The following ZNF395 variants were observed in gnomAD, a reference collection of about 807,000 sequenced individuals.
ZNF395 encodes zinc finger protein 395, also known as HD gene regulatory region-binding protein 2.
Under a neutral mutation model 57.7 loss-of-function variants are expected in ZNF395, and 20 were observed. That is an observed-to-expected ratio of 0.35 (90% CI 0.24 to 0.50). The LOEUF (loss-of-function observed/expected upper bound fraction) is 0.50. Ranked by LOEUF, ZNF395 falls within the 20% of genes least tolerant of loss-of-function variation. The pLI, the probability that ZNF395 is intolerant of heterozygous loss-of-function variation, is 0.97. For missense variants in ZNF395, 606 were observed against 671.2 expected, an observed-to-expected ratio of 0.90 and a Z score of 1.07; for synonymous variants, 295 against 275.9, an observed-to-expected ratio of 1.07 and a Z score of -0.69.
At chr8:28,373,957 A>G (rs1012723455) in intron 1 of ZNF395, among the ~76,000 whole-genome samples, 4 of 152,212 alleles carry the variant, frequency 2.6e-5, no homozygotes, top group African/African-American at 9.7e-5. Context: ...CCTACGGCCC[A>G]GCAGTTCCAC....
intron 1 of ZNF395, among the ~76,000 whole-genome samples, chr8:28,380,700 C>T (rs952706381): frequency 2.0e-5 from 3 of 152,202 alleles, no homozygotes; most frequent in Non-Finnish European, 4.4e-5. Context: ...AGTTGCTGCA[C>T]TATTCTCTGG....
At chr8:28,373,483 C>T (rs564048116) in intron 1 of ZNF395, among the ~76,000 whole-genome samples, 3 of 151,546 alleles carry the variant, frequency 2.0e-5, no homozygotes, top group Admixed American at 1.3e-4. Flanking sequence ...TGCTTCCAAA[C>T]GCCTCACGCT....
chr8:28,349,162 T>C lies in ZNF395; in HGVS notation c.1393A>G (p.Ile465Val). The change falls in exon 9 of 10, where the codon ATC becomes GTC. Residue 465 changes from isoleucine to valine, a missense_variant. Ile to Val is a conservative substitution (Grantham distance 29, BLOSUM62 3). Transcript: ENST00000344423. Reference protein sequence around the residue: ...QPAPAMKSHLIVTSPPRAQSG... With the variant: ...QPAPAMKSHLVVTSPPRAQSG... ...TGGGCCCGGGGTGGAGAAGTGACGATCAGATGAGATTTCATCGCAGGTGCT... is the reference window on the plus strand; with the variant it reads ...TGGGCCCGGGGTGGAGAAGTGACGACCAGATGAGATTTCATCGCAGGTGCT... 1 of 1,565,900 alleles carries C rather than the reference T, an allele frequency of 6.4e-7. No homozygotes were observed. Among genetic ancestry groups the C allele is most frequent in the South Asian group, 1.2e-5 (1 of 83,358 alleles).
intron 1 of ZNF395, among the ~76,000 whole-genome samples, chr8:28,376,707 A>G (rs1009247239): frequency 1.3e-5 from 2 of 152,204 alleles, no homozygotes; most frequent in Non-Finnish European, 2.9e-5. Flanking sequence ...CAATTCAACA[A>G]GCACAGTTGA....
intron 1 of ZNF395, among the ~76,000 whole-genome samples, chr8:28,373,192 C>T (rs1281221624): frequency 3.9e-5 from 6 of 152,164 alleles, no homozygotes; most frequent in Non-Finnish European, 8.8e-5. Context: ...TGCAAAGGGG[C>T]CTCTGCCTCT....
In ZNF395 at chr8:28,349,187, T is replaced by C. The variant is rs1260638720; in HGVS notation, c.1368A>G (p.Pro456=). ...RSLSFSEPQQ[P]APAMKSHLIV... ...TCAGATGAGATTTCATCGCAGGTGC[T>C]GGCTGCTGGGGCTCGCTGAAGCTTA... Residue 456 remains proline (P), a synonymous_variant, in exon 9 of 10, where the codon CCA becomes CCG. Transcript: ENST00000344423. The C allele has an allele frequency of 6.4e-7, 1 of 1,563,598 alleles. No homozygotes were observed. The highest frequency in any genetic ancestry group is 2.3e-5 in the East Asian group (1 of 44,086).
intron 1 of ZNF395, among the ~76,000 whole-genome samples, chr8:28,375,980 G>C (rs1177233417): frequency 6.6e-6 from 1 of 152,082 alleles, no homozygotes; most frequent in African/African-American, 2.4e-5. Flanking sequence ...CTGGTTTTTT[G>C]TGTTTTGTTT....
At chr8:28,377,368 C>A (rs1168653573) in intron 1 of ZNF395, among the ~76,000 whole-genome samples, 3 of 152,174 alleles carry the variant, frequency 2.0e-5, no homozygotes, top group African/African-American at 7.2e-5. Flanking sequence ...TGCGCCACTG[C>A]ATTCCAGCCT....
chr8:28,365,520 G>A (rs1203854498), intron 1 of ZNF395: 1 of 152,158 alleles, frequency 6.6e-6, no homozygotes, highest in Non-Finnish European at 1.5e-5. Context: ...GAGAAATCAA[G>A]AAACACCTAT....
intron 1 of ZNF395, among the ~76,000 whole-genome samples, chr8:28,370,337 C>T (rs959807856): frequency 1.3e-5 from 2 of 152,126 alleles, no homozygotes; most frequent in African/African-American, 4.8e-5. Flanking sequence ...GGAAAATAAA[C>T]GGAGTGGAGG....
rs777292999 is a variant in ZNF395, at chr8:28,347,896, GTT to G, written c.*821_*822del. ...GTGCTTCCTCGGGTCAGAGCAGAGA[GTT>G]TCCAGACGCTCAAACCCTCCAGGAG... On this transcript the variant is annotated 3_prime_UTR_variant, in exon 10 of 10. Coordinates refer to ENST00000344423, the MANE Select transcript of ZNF395 (RefSeq NM_018660.3). 2.0e-5 allele frequency: 3 copies of G among 152,250 alleles called. No individual in the cohort carries two copies. Among genetic ancestry groups the G allele is most frequent in the Non-Finnish European group, 4.4e-5 (3 of 68,052 alleles). 9.4% of individuals were successfully genotyped at this position (152,250 alleles called of 1,614,324 possible). A position where few individuals can be genotyped will look rare whatever the true frequency, so the allele number is the denominator to read the frequency against.
chr8:28,359,604 T>C lies in ZNF395; in HGVS notation c.461A>G (p.Asp154Gly). ...CTCCCACACAAACCTCTTTGGGACA[T>C]CGATGTTCCTGGAGACGGGCCTGTA... The part of the protein sequence containing the change: ...LAYRPVSRNI[D>G]VPKRKSDAVE... Residue 154 changes from aspartate (D) to glycine (G), a missense_variant, in exon 3 of 10, where the codon GAT becomes GGT. Coordinates refer to ENST00000344423, the MANE Select transcript of ZNF395 (RefSeq NM_018660.3). This position sits in a 1 kb window ranked among gnomAD's most constrained non-coding sequence, Gnocchi z 4.7. 6.2e-7 allele frequency: 1 copy of C among 1,600,332 alleles called. No individual in the cohort carries two copies. Among genetic ancestry groups the C allele is most frequent in the Non-Finnish European group, 8.5e-7 (1 of 1,171,600 alleles).
intron 4 of ZNF395, 87 bp from the exon 5 acceptor site, chr8:28,353,495 G>A: frequency 9.2e-7 from 1 of 1,083,420 alleles, no homozygotes; most frequent in South Asian, 1.7e-5. Context: ...AACATGGAGA[G>A]GAGTTCATTC....
In ZNF395 at chr8:28,353,290, G is replaced by GT; in HGVS notation, c.701dup (p.His234GlnfsTer19). 6.2e-7 allele frequency: 1 copy of GT among 1,609,276 alleles called. No homozygotes were observed. Among genetic ancestry groups the GT allele is most frequent in the Non-Finnish European group, 8.5e-7 (1 of 1,177,744 alleles). ...CCAAATACTTGGGGCTGGCCTGGGG[G>GT]TGGGGGGGCGAGGGGGTGGAGACAC... On this transcript the variant is annotated frameshift_variant, in exon 5 of 10. Transcript: ENST00000344423. LOFTEE classifies it high-confidence loss of function.
Position 28,353,273 on chromosome 8 carries a change from T to C in ZNF395, c.719A>G (p.Lys240Arg), listed in dbSNP as rs1801740176. ...AGAACCAAAAGCATCCCCCAAATAC[T>C]TGGGGCTGGCCTGGGGGTGGGGGGG... ...PSPPHPQASP[K>R]YLGDAFGSPQ... Residue 240 changes from lysine to arginine, a missense_variant, in exon 5 of 10, where the codon AAG (lysine) becomes AGG (arginine). Lys to Arg is a conservative substitution (Grantham distance 26, BLOSUM62 2). This residue lies in a region of ZNF395 where 309 missense variants were observed against 374.7 expected (regional missense o/e 0.82). Coordinates refer to ENST00000344423, the MANE Select transcript of ZNF395 (RefSeq NM_018660.3). The C allele has an allele frequency of 1.4e-6, 2 of 1,387,540 alleles. No individual in the cohort carries two copies. The highest frequency in any genetic ancestry group is 9.7e-7 in the Non-Finnish European group (1 of 1,034,626). The allele number at this position is 1,387,540 out of a possible 1,614,324, so 86.0% of individuals were successfully genotyped here.
chr8:28,383,265 G>A (rs6995603), intron 1 of ZNF395, among the ~76,000 whole-genome samples: 25,688 of 152,010 alleles, frequency 0.17, 3,452 homozygotes, highest in African/African-American at 0.37. Flanking sequence ...TGAGGCTTGG[G>A]GAATTTGTTC....
At position 28,359,325 on chromosome 8, in the gene ZNF395, A is replaced by G. The variant is rs1291636985; in HGVS notation, c.473+267T>C. Among the ~76,000 whole-genome samples the G allele has an allele frequency of 6.6e-6, 1 of 152,176 alleles. No homozygotes were observed. The highest frequency in any genetic ancestry group is 1.5e-5 in the Non-Finnish European group (1 of 68,020). On this transcript the variant is annotated intron_variant, in intron 3 of 9. Coordinates refer to ENST00000344423, the MANE Select transcript of ZNF395 (RefSeq NM_018660.3). This position sits in a 1 kb window ranked among gnomAD's most constrained non-coding sequence, Gnocchi z 4.7. ...GCTGAAGTGGAAGAATCGCGTGAACACAGGAGGCAGAGGTTGCAGTGAGCC... is the reference window on the plus strand; with the variant it reads ...GCTGAAGTGGAAGAATCGCGTGAACGCAGGAGGCAGAGGTTGCAGTGAGCC...
chr8:28,360,789 G>A lies in ZNF395; in HGVS notation c.240+96C>T. On this transcript the variant is annotated intron_variant, in intron 2 of 9. Coordinates refer to ENST00000344423, the MANE Select transcript of ZNF395 (RefSeq NM_018660.3). The stretch of plus-strand genomic sequence containing the variant: ...AGGGCAAAGGTCTGCACTCAAAACG[G>A]TGCCCAGAGAGTTTCCGGCCTGTCA... 2.6e-6 allele frequency: 4 copies of A among 1,522,968 alleles called. No individual in the cohort carries two copies. The South Asian group carries it at 5.1e-5, about 19-fold the overall frequency. 94.3% of individuals were successfully genotyped at this position (1,522,968 alleles called of 1,614,324 possible).
chr8:28,361,832 C>T (rs1801853456), intron 1 of ZNF395, among the ~76,000 whole-genome samples: 1 of 152,188 alleles, frequency 6.6e-6, no homozygotes, highest in Non-Finnish European at 1.5e-5. Flanking sequence ...TGGCTCATGC[C>T]TGTAATCCCA....
Sources: allele counts gnomAD v4.1 joint callset (sites outside exome capture counted in the v4.1 genomes callset), GRCh38; gene constraint gnomAD v4.1.1; regional missense constraint gnomAD v4.1.1; non-coding constraint Gnocchi (gnomAD v3.1); transcripts MANE v1.5; gene names NCBI Gene and HGNC (gene_info 2026-07-23, HGNC 2026-07-21).